The following PCDHGB1 variants were observed in gnomAD, a reference collection of about 807,000 sequenced individuals.
PCDHGB1 encodes the protein protocadherin gamma subfamily B, 1.
PCDHGB1 carries 34 observed loss-of-function variants against 56.6 expected under a neutral mutation model. The observed-to-expected ratio is 0.60, with a 90% CI of 0.46 to 0.80. The LOEUF is 0.80. Among genes scored for constraint, PCDHGB1 ranks in the 30% least tolerant of loss-of-function variants. The probability of loss-of-function intolerance (pLI) is 0.00; values close to 1 mark genes in which losing one functional copy is unlikely to be tolerated. For missense variants in PCDHGB1, 1,278 were observed against 1,204.6 expected (o/e 1.06, Z -0.90); for synonymous variants, 561 against 505.9 (o/e 1.11, Z -1.46).
intron 1 of PCDHGB1, among the ~76,000 whole-genome samples, chr5:141,405,652 G>GT (rs1479754913): frequency 6.6e-6 from 1 of 152,034 alleles, no homozygotes; most frequent in Non-Finnish European, 1.5e-5. Flanking sequence ...TTTTTTGTGT[G>GT]TTTTTAGTAG....
intron 1 of PCDHGB1, among the ~76,000 whole-genome samples, chr5:141,461,366 A>G (rs1186381077): frequency 6.6e-6 from 1 of 151,964 alleles, no homozygotes; most frequent in Non-Finnish European, 1.5e-5. Flanking sequence ...TTGTGGTTTT[A>G]ATTTGCATTT....
At chr5:141,388,880 G>A (rs1426155590) in intron 1 of PCDHGB1, 1 of 1,613,982 alleles carries the variant, frequency 6.2e-7, no homozygotes, top group Non-Finnish European at 8.5e-7. Flanking sequence ...GCACAGTGGA[G>A]GTAGAAGTCA....
At chr5:141,413,804 C>G in intron 1 of PCDHGB1, 1 of 1,613,194 alleles carries the variant, frequency 6.2e-7, no homozygotes, top group Non-Finnish European at 8.5e-7. Context: ...GAGGAAGAGG[C>G]CATTCACCAC....
At chr5:141,488,139 T>C (rs906194527) in intron 1 of PCDHGB1, among the ~76,000 whole-genome samples, 2 of 152,084 alleles carry the variant, frequency 1.3e-5, no homozygotes, top group Non-Finnish European at 2.9e-5. Context: ...AGGAGAGAAC[T>C]AAAGGAATAG....
In PCDHGB1 at chr5:141,404,211, T is replaced by C. The variant is rs1423741415; in HGVS notation, c.2409+51542T>C. ...CGAGAAAAAGCCTCAGAATATAATATCACGGTGACTGCAACAGACAGAGGA... is the reference window on the plus strand; with the variant it reads ...CGAGAAAAAGCCTCAGAATATAATACCACGGTGACTGCAACAGACAGAGGA... On this transcript the variant is annotated intron_variant, in intron 1 of 3. Coordinates refer to ENST00000523390, the MANE Select transcript of PCDHGB1 (RefSeq NM_018922.3). 3 of 1,613,606 alleles carry C rather than the reference T, an allele frequency of 1.9e-6. No homozygotes were observed. The Admixed American group carries it at 5.0e-5, about 27-fold the overall frequency.
chr5:141,409,833 C>G (rs973436075), intron 1 of PCDHGB1: 2 of 1,611,368 alleles, frequency 1.2e-6, no homozygotes, highest in Non-Finnish European at 1.7e-6. Context: ...ACGCTCAGCG[C>G]CAACGTGAGC....
intron 1 of PCDHGB1, chr5:141,478,884 C>T (rs767294994): frequency 9.2e-5 from 110 of 1,194,180 alleles, no homozygotes; most frequent in Non-Finnish European, 1.2e-4. Context: ...AGCTTGGTAT[C>T]ATTTACATTA....
At chr5:141,364,941 A>C in intron 1 of PCDHGB1, 1 of 1,613,952 alleles carries the variant, frequency 6.2e-7, no homozygotes, top group Non-Finnish European at 8.5e-7. Flanking sequence ...GACCGCGAGA[A>C]AGAGACTGTT....
intron 1 of PCDHGB1, chr5:141,394,562 G>A (rs1381162611): frequency 2.5e-6 from 4 of 1,614,088 alleles, no homozygotes; most frequent in Admixed American, 3.3e-5. Flanking sequence ...GCTCCGCAGA[G>A]CGTGGCTACC....
chr5:141,383,124 C>G (rs1245604127), intron 1 of PCDHGB1: 3 of 1,613,930 alleles, frequency 1.9e-6, no homozygotes, highest in Non-Finnish European at 2.5e-6. Context: ...CGCAGCTTTT[C>G]GCCCTGAACC....
At chr5:141,496,693 C>T (rs2099770546) in intron 2 of PCDHGB1, among the ~76,000 whole-genome samples, 1 of 152,164 alleles carries the variant, frequency 6.6e-6, no homozygotes, top group South Asian at 2.1e-4. Context: ...CCTTGCCAAC[C>T]TTCTCATAAG....
At chr5:141,447,884 G>A (rs1324802340) in intron 1 of PCDHGB1, among the ~76,000 whole-genome samples, 1 of 152,024 alleles carries the variant, frequency 6.6e-6, no homozygotes, top group Non-Finnish European at 1.5e-5. Context: ...TCAGGAGTTC[G>A]AGACCAGCCT....
chr5:141,395,521 T>G, intron 1 of PCDHGB1: 7 of 388,350 alleles, frequency 1.8e-5, no homozygotes, highest in East Asian at 5.0e-5. Flanking sequence ...TACCCGTCCA[T>G]ACTGGTAATT....
intron 1 of PCDHGB1, chr5:141,418,637 T>C: frequency 6.2e-7 from 1 of 1,613,998 alleles, no homozygotes; most frequent in Non-Finnish European, 8.5e-7. Context: ...TCCAGGCACC[T>C]CCATCCTGAG....
At chr5:141,359,864 AAAG>A (rs1223806180) in intron 1 of PCDHGB1, among the ~76,000 whole-genome samples, 1 of 152,206 alleles carries the variant, frequency 6.6e-6, no homozygotes, top group African/African-American at 2.4e-5. Flanking sequence ...TTAAAAAAGA[AAAG>A]AAAAGAAAAA....
chr5:141,423,661 GT>G, intron 1 of PCDHGB1: 1 of 1,555,760 alleles, frequency 6.4e-7, no homozygotes. Flanking sequence ...AAGTAATCAG[GT>G]GAGATTTATT....
At chr5:141,383,802 A>G in intron 1 of PCDHGB1, 1 of 1,613,998 alleles carries the variant, frequency 6.2e-7, no homozygotes, top group Non-Finnish European at 8.5e-7. Context: ...CAGGAGAAAT[A>G]TCAACTTTAG....
At position 141,485,073 on chromosome 5, in the gene PCDHGB1, C is replaced by T. The variant is rs1167407526; in HGVS notation, c.2410-9734C>T. ...CGGCCGAACCGCGCCAGAGCTGGCG[C>T]GGGGAAAGGGAGATAGGTGTCTCCA... On this transcript the variant is annotated intron_variant, in intron 1 of 3. Transcript: ENST00000523390. The surrounding 1 kb of genome is among the most constrained non-coding windows in gnomAD (Gnocchi z 5.7). 3.3e-6 allele frequency: 3 copies of T among 922,354 alleles called. No homozygotes were observed. The highest frequency in any genetic ancestry group is 4.8e-5 in the East Asian group (2 of 41,404). 57.1% of individuals were successfully genotyped at this position (922,354 alleles called of 1,614,324 possible).
At chr5:141,427,683 G>C in intron 1 of PCDHGB1, 1 of 836,052 alleles carries the variant, frequency 1.2e-6, no homozygotes. Flanking sequence ...CCTTCCCGGA[G>C]CCTCCATCCC....
Sources: allele counts gnomAD v4.1 joint callset (sites outside exome capture counted in the v4.1 genomes callset), GRCh38; gene constraint gnomAD v4.1.1; non-coding constraint Gnocchi (gnomAD v3.1); transcripts MANE v1.5; gene names NCBI Gene and HGNC (gene_info 2026-07-23, HGNC 2026-07-21).